STAC: variants seen among roughly 807,000 people sequenced by gnomAD.
STAC encodes the protein SH3 and cysteine-rich domain-containing protein.
A neutral mutation model predicts 48.8 loss-of-function variants in STAC; 43 were observed. The ratio of observed to expected loss-of-function variants is 0.88; its 90% CI spans 0.69 to 1.14. The LOEUF (loss-of-function observed/expected upper bound fraction) is 1.14, where lower values mean the gene tolerates loss of function less well. Among genes scored for constraint, STAC ranks in the 50% most tolerant of loss-of-function variants. STAC has a pLI of 0.00. For synonymous variants in STAC, 193 were observed against 179.5 expected, an observed-to-expected ratio of 1.07 and a Z score of -0.60; for missense variants, 497 against 504.0, an observed-to-expected ratio of 0.99 and a Z score of 0.13.
At chr3:36,497,185 C>T (rs951889570) in intron 6 of STAC, among the ~76,000 whole-genome samples, 7 of 152,180 alleles carry the variant, frequency 4.6e-5, no homozygotes, top group Admixed American at 3.9e-4. Flanking sequence ...GATATTTCTA[C>T]ATTACAGATG....
chr3:36,506,332 C>G (rs1348831016), intron 8 of STAC: 1 of 152,086 alleles, frequency 6.6e-6, no homozygotes, highest in African/African-American at 2.4e-5. Flanking sequence ...GTTACTGTAA[C>G]CTTGTAGTAT....
chr3:36,540,337 A>C (rs1324034269), intron 10 of STAC, among the ~76,000 whole-genome samples: 1 of 152,174 alleles, frequency 6.6e-6, no homozygotes, highest in Admixed American at 6.6e-5. Flanking sequence ...TATTGTAGCA[A>C]CAACAGGAAA....
At chr3:36,494,879 GAATTTA>G (rs1056030392) in intron 6 of STAC, among the ~76,000 whole-genome samples, 2 of 152,202 alleles carry the variant, frequency 1.3e-5, no homozygotes, top group African/African-American at 4.8e-5. Context: ...ACCAGCAACT[GAATTTA>G]AACAGCAACC....
chr3:36,532,690 C>T (rs1003322464), intron 10 of STAC, among the ~76,000 whole-genome samples: 2 of 152,184 alleles, frequency 1.3e-5, no homozygotes, highest in Non-Finnish European at 2.9e-5. Context: ...CTCTGTCTCC[C>T]ATAAAAGTAT....
chr3:36,528,105 G>C (rs1241914491), intron 8 of STAC, among the ~76,000 whole-genome samples: 1 of 152,218 alleles, frequency 6.6e-6, no homozygotes, highest in Admixed American at 6.5e-5. Context: ...AGATCATGGG[G>C]CTGAGAAGAA....
At chr3:36,485,393 C>T (rs1263726822) in intron 4 of STAC, among the ~76,000 whole-genome samples, 1 of 152,210 alleles carries the variant, frequency 6.6e-6, no homozygotes, top group African/African-American at 2.4e-5. Flanking sequence ...CTATTGACAA[C>T]TGTGTGTCTT....
chr3:36,422,191 A>G (rs1333870809), intron 1 of STAC, among the ~76,000 whole-genome samples: 1 of 152,158 alleles, frequency 6.6e-6, no homozygotes, highest in African/African-American at 2.4e-5. Flanking sequence ...AAAGTCTCCT[A>G]TGATGACTTT....
intron 1 of STAC, among the ~76,000 whole-genome samples, chr3:36,402,105 T>C (rs945169790): frequency 6.6e-6 from 1 of 152,212 alleles, no homozygotes; most frequent in Non-Finnish European, 1.5e-5. Context: ...TTTGTTTTTG[T>C]TTTAAACTTT....
Position 36,420,105 on chromosome 3 carries a change from T to C in STAC, c.112-23259T>C, listed in dbSNP as rs73830324. Among the ~76,000 whole-genome samples, 424 of 152,328 alleles carry C rather than the reference T, an allele frequency of 2.8e-3. 4 individuals are homozygous for C. The highest frequency in any genetic ancestry group is 9.6e-3 in the African/African-American group (400 of 41,588). ...ATTCTATTTAACACTATTGTAACTA[T>C]GTACCTCTACAGTATTAGTTAGCAC... On this transcript the variant is annotated intron_variant, in intron 1 of 10. Coordinates refer to ENST00000273183, the MANE Select transcript of STAC (RefSeq NM_003149.3).
At chr3:36,453,330 C>T (rs183019542) in intron 2 of STAC, among the ~76,000 whole-genome samples, 4 of 152,178 alleles carry the variant, frequency 2.6e-5, no homozygotes, top group Admixed American at 6.5e-5. Flanking sequence ...CCTCAGCTTG[C>T]GGCGAGGTGT....
At chr3:36,528,454 C>T (rs1240717522) in intron 8 of STAC, among the ~76,000 whole-genome samples, 4 of 144,100 alleles carry the variant, frequency 2.8e-5, no homozygotes, top group South Asian at 2.2e-4. Flanking sequence ...GGCGACAGAG[C>T]GAGACTCTGT....
chr3:36,398,017 C>A (rs983278387), intron 1 of STAC, among the ~76,000 whole-genome samples: 1 of 152,048 alleles, frequency 6.6e-6, no homozygotes, highest in African/African-American at 2.4e-5. Context: ...GCCAAGCCAT[C>A]TAGCTCCATG....
At chr3:36,429,974 G>A (rs1432237737) in intron 1 of STAC, among the ~76,000 whole-genome samples, 1 of 152,206 alleles carries the variant, frequency 6.6e-6, no homozygotes, top group Non-Finnish European at 1.5e-5. Flanking sequence ...AGGAAAGGGA[G>A]ATTAGCCTTG....
chr3:36,398,472 GAAGGAGGGAAGGAAGA>G (rs1159549859), intron 1 of STAC, among the ~76,000 whole-genome samples: 7 of 70,916 alleles, frequency 9.9e-5, no homozygotes, highest in East Asian at 3.8e-4. Context: ...AGGAAGGAAG[GAAGGAGGGAAGGAAGA>G]AAGGAAGGAG....
At chr3:36,537,378 A>G (rs147930235) in intron 10 of STAC, among the ~76,000 whole-genome samples, 1 of 152,202 alleles carries the variant, frequency 6.6e-6, no homozygotes. Context: ...AAGGAATAAG[A>G]TCATGTCCTT....
chr3:36,487,985 A>G (rs114864894), intron 5 of STAC, among the ~76,000 whole-genome samples: 2,668 of 152,354 alleles, frequency 0.018, 22 homozygotes, highest in Non-Finnish European at 0.021. Flanking sequence ...ATTTATATGT[A>G]AATAAAGGCT....
At position 36,503,012 on chromosome 3, in the gene STAC, T is replaced by A. The variant is rs189489902; in HGVS notation, c.767-1381T>A. On this transcript the variant is annotated intron_variant, in intron 6 of 10. Transcript: ENST00000273183. ...CTTGTTCTGAAGCACGTTTTCTATA[T>A]CACTGTTGTTGAGGCTATTTTAAGA... Among the ~76,000 whole-genome samples, 344 of 152,336 alleles carry A rather than the reference T, an allele frequency of 2.3e-3. 1 individual carries two copies. Among genetic ancestry groups the A allele is most frequent in the Middle Eastern group, 0.01 (3 of 294 alleles).
intron 1 of STAC, among the ~76,000 whole-genome samples, chr3:36,423,308 C>T (rs1700488348): frequency 6.6e-6 from 1 of 151,612 alleles, no homozygotes; most frequent in South Asian, 2.1e-4. Flanking sequence ...AACCACATAC[C>T]GAGGAAGAAA....
At chr3:36,428,825 T>C (rs993156508) in intron 1 of STAC, among the ~76,000 whole-genome samples, 1 of 152,204 alleles carries the variant, frequency 6.6e-6, no homozygotes, top group Admixed American at 6.5e-5. Flanking sequence ...TATTAGATTT[T>C]ATTGTAACTA....
Sources: allele counts gnomAD v4.1 joint callset (sites outside exome capture counted in the v4.1 genomes callset), GRCh38; gene constraint gnomAD v4.1.1; transcripts MANE v1.5; gene names NCBI Gene and HGNC (gene_info 2026-07-23, HGNC 2026-07-21).